CDH13: variants seen among roughly 807,000 people sequenced by gnomAD.
The protein encoded by CDH13 is cadherin 13.
Under a neutral mutation model 63.8 loss-of-function variants are expected in CDH13, and 24 were observed. The observed-to-expected ratio is 0.38, with a 90% confidence interval of 0.27 to 0.53. The LOEUF (loss-of-function observed/expected upper bound fraction) is 0.53, where lower values mean the gene tolerates loss of function less well. Ranked by LOEUF, CDH13 falls within the 20% of genes least tolerant of loss-of-function variation. The pLI is 0.85. For synonymous variants in CDH13, 503 were observed against 355.3 expected (o/e 1.42, Z -4.67); for missense variants, 1,049 against 903.1 (o/e 1.16, Z -2.07).
chr16:82,722,018 G>T (rs2032806492), intron 1 of CDH13, among the ~76,000 whole-genome samples: 1 of 152,188 alleles, frequency 6.6e-6, no homozygotes, highest in South Asian at 2.1e-4. Context: ...AGACCACACT[G>T]CCACTGGGCC....
At chr16:83,222,927 G>A (rs951758506) in intron 5 of CDH13, among the ~76,000 whole-genome samples, 1 of 151,978 alleles carries the variant, frequency 6.6e-6, no homozygotes, top group Non-Finnish European at 1.5e-5. Context: ...ATGGGGGGCT[G>A]TCCTGTGAAT....
chr16:83,177,255 TAAC>T (rs772963767), intron 4 of CDH13, among the ~76,000 whole-genome samples: 74 of 152,338 alleles, frequency 4.9e-4, no homozygotes, highest in Non-Finnish European at 2.9e-4. Flanking sequence ...TGACAATTGA[TAAC>T]ATTGCTCATG....
At chr16:83,732,653 C>G (rs1174031628) in intron 10 of CDH13, among the ~76,000 whole-genome samples, 2 of 152,164 alleles carry the variant, frequency 1.3e-5, no homozygotes, top group Non-Finnish European at 2.9e-5. Context: ...GATGTTCCCA[C>G]ACGTAGAAAC....
At chr16:83,005,491 A>G (rs1192973037) in intron 2 of CDH13, among the ~76,000 whole-genome samples, 1 of 152,168 alleles carries the variant, frequency 6.6e-6, no homozygotes, top group Non-Finnish European at 1.5e-5. Context: ...ACTCCCACCA[A>G]CAACCTCAGG....
chr16:82,971,055 C>T (rs183144612), intron 2 of CDH13, among the ~76,000 whole-genome samples: 113 of 152,310 alleles, frequency 7.4e-4, no homozygotes, highest in African/African-American at 2.6e-3. Context: ...CTGGGGCATA[C>T]TGGCCTAATT....
At chr16:83,139,062 C>G (rs534622287) in intron 4 of CDH13, among the ~76,000 whole-genome samples, 1 of 151,732 alleles carries the variant, frequency 6.6e-6, no homozygotes, top group South Asian at 2.1e-4. Flanking sequence ...TTATCCACCT[C>G]CCCGTAGTTT....
chr16:83,462,930 G>T (rs906028206), intron 6 of CDH13, among the ~76,000 whole-genome samples: 3 of 152,082 alleles, frequency 2.0e-5, no homozygotes, highest in African/African-American at 7.2e-5. Flanking sequence ...TATGCTTGTG[G>T]AAATACACCC....
At chr16:82,976,056 G>A (rs1434353026) in intron 2 of CDH13, among the ~76,000 whole-genome samples, 1 of 152,308 alleles carries the variant, frequency 6.6e-6, no homozygotes, top group East Asian at 1.9e-4. Context: ...TGGTCAGAAG[G>A]CCAGTAACAA....
At chr16:82,638,203 G>A (rs907534476) in intron 1 of CDH13, among the ~76,000 whole-genome samples, 3 of 152,138 alleles carry the variant, frequency 2.0e-5, no homozygotes, top group African/African-American at 4.8e-5. Flanking sequence ...AGGTGAACAC[G>A]ACAGTCCAGG....
At chr16:83,736,043 C>T (rs577445643) in intron 10 of CDH13, 2 of 152,302 alleles carry the variant, frequency 1.3e-5, no homozygotes, top group East Asian at 3.9e-4. Flanking sequence ...CCAAGTCGTC[C>T]TGTTCTTTTC....
chr16:83,569,113 T>A (rs1904335962), intron 7 of CDH13, among the ~76,000 whole-genome samples: 1 of 152,164 alleles, frequency 6.6e-6, no homozygotes, highest in Non-Finnish European at 1.5e-5. Context: ...AAATATAATG[T>A]TATTCCACAA....
At chr16:83,066,352 AT>A (rs1013055261) in intron 3 of CDH13, among the ~76,000 whole-genome samples, 12 of 152,302 alleles carry the variant, frequency 7.9e-5, no homozygotes, top group Admixed American at 7.8e-4. Flanking sequence ...TTTCGGAGAC[AT>A]GCAGGCTTCC....
chr16:83,254,537 C>T (rs1036692015), intron 5 of CDH13, among the ~76,000 whole-genome samples: 5 of 152,320 alleles, frequency 3.3e-5, no homozygotes, highest in Admixed American at 1.3e-4. Context: ...TGGACAGGAT[C>T]CCCTGTGGCT....
At chr16:83,502,026 C>G (rs557763147) in intron 7 of CDH13, among the ~76,000 whole-genome samples, 85 of 152,278 alleles carry the variant, frequency 5.6e-4, no homozygotes, top group Middle Eastern at 3.4e-3. Flanking sequence ...GGGCAAGTCA[C>G]CTCACCTACC....
In CDH13 at chr16:83,652,142, G is replaced by A. The variant is rs117653957; in HGVS notation, c.1102-18648G>A. Reference sequence around the variant, plus strand: ...CGACGTGCTCATGGGAATTACAGTCGGGCCCAAGGGGTCTATTTGAAATGG... The same window carrying A: ...CGACGTGCTCATGGGAATTACAGTCAGGCCCAAGGGGTCTATTTGAAATGG... On this transcript the variant is annotated intron_variant, in intron 8 of 13. Coordinates refer to ENST00000567109, the MANE Select transcript of CDH13 (RefSeq NM_001257.5). Among the ~76,000 whole-genome samples the A allele has an allele frequency of 7.7e-4, 118 of 152,272 alleles. No individual in the cohort carries two copies. The East Asian group carries it at 0.013, about 17-fold the overall frequency.
At chr16:83,711,286 C>T (rs1344118711) in intron 10 of CDH13, among the ~76,000 whole-genome samples, 2 of 152,200 alleles carry the variant, frequency 1.3e-5, no homozygotes, top group African/African-American at 2.4e-5. Flanking sequence ...CTCCTGTGCT[C>T]ATTGCATTCT....
At chr16:83,545,067 A>C (rs2075361421) in intron 7 of CDH13, among the ~76,000 whole-genome samples, 1 of 152,224 alleles carries the variant, frequency 6.6e-6, no homozygotes, top group Non-Finnish European at 1.5e-5. Flanking sequence ...CATCTCCTTC[A>C]GGGAGTACTT....
chr16:83,048,487 C>G lies in CDH13; in HGVS notation c.366+16269C>G, dbSNP rs79483807. ...AATTATTCATCTTTAATTTATTGCTCTTCACCTTGAGCACCACTCTAAGGC... is the reference window on the plus strand; with the variant it reads ...AATTATTCATCTTTAATTTATTGCTGTTCACCTTGAGCACCACTCTAAGGC... On this transcript the variant is annotated intron_variant, in intron 3 of 13. Transcript: ENST00000567109. 4.9e-4 allele frequency among the ~76,000 whole-genome samples: 75 copies of G among 152,260 alleles called. No homozygotes were observed. The East Asian group carries it at 0.013, about 27-fold the overall frequency.
chr16:82,642,591 C>G (rs1206014246), intron 1 of CDH13, among the ~76,000 whole-genome samples: 2 of 152,192 alleles, frequency 1.3e-5, no homozygotes, highest in East Asian at 3.8e-4. Context: ...ATCATACAAT[C>G]TCCACCAGAC....
Sources: gnomAD v4.1 joint callset for allele counts (sites outside exome capture counted in the v4.1 genomes callset) on GRCh38, gnomAD v4.1.1 for gene constraint, MANE v1.5 for transcripts, NCBI Gene and HGNC (gene_info 2026-07-23, HGNC 2026-07-21) for gene names.